HIKESHI: variants seen among roughly 807,000 people sequenced by gnomAD.
HIKESHI encodes protein Hikeshi.
A neutral mutation model predicts 25.7 loss-of-function variants in HIKESHI; 13 were observed. That is an observed-to-expected ratio of 0.51 (90% CI 0.33 to 0.80). The LOEUF (loss-of-function observed/expected upper bound fraction) is 0.80, where lower values mean the gene tolerates loss of function less well. Ranked by LOEUF, HIKESHI falls within the 30% of genes least tolerant of loss-of-function variation. HIKESHI has a pLI of 0.02. For missense variants in HIKESHI, 174 were observed against 229.5 expected (o/e 0.76, Z 1.56); for synonymous variants, 76 against 78.7 (o/e 0.97, Z 0.18).
chr11:86,302,418 T>G lies in HIKESHI; in HGVS notation c.-31T>G. 1 of 1,551,660 alleles carries G rather than the reference T, an allele frequency of 6.4e-7. No homozygotes were observed. Among genetic ancestry groups the G allele is most frequent in the Non-Finnish European group, 8.7e-7 (1 of 1,147,102 alleles). Reference sequence around the variant, plus strand: ...AGGACTCCTAGTCGCCGGCTTCAGGTCACTGCCGGCTGAACGGAGCTGCCG... The same window carrying G: ...AGGACTCCTAGTCGCCGGCTTCAGGGCACTGCCGGCTGAACGGAGCTGCCG... On this transcript the variant is annotated 5_prime_UTR_variant, in exon 1 of 5. Transcript: ENST00000278483.
In HIKESHI at chr11:86,308,051, CATATAAT is replaced by C. The variant is rs1293542634; in HGVS notation, c.268+1579_268+1585del. Among the ~76,000 whole-genome samples the C allele has an allele frequency of 8.8e-3, 1,071 of 121,518 alleles. 7 individuals are homozygous for C. The highest frequency in any genetic ancestry group is 0.014 in the South Asian group (60 of 4,138). 79.7% of individuals were successfully genotyped at this position (121,518 alleles called of 152,430 possible). On this transcript the variant is annotated intron_variant, in intron 2 of 4. Coordinates refer to ENST00000278483, the MANE Select transcript of HIKESHI (RefSeq NM_016401.4). ...TAAATATATAATTATATATAAATTA[CATATAAT>C]ATATAATATGTATATTACGTAAAAT...
intron 2 of HIKESHI, among the ~76,000 whole-genome samples, chr11:86,332,512 A>G (rs1486780064): frequency 6.6e-6 from 1 of 152,210 alleles, no homozygotes; most frequent in Non-Finnish European, 1.5e-5. Flanking sequence ...TGCAATTACC[A>G]TATGGACCAC....
chr11:86,317,577 G>C (rs375345796), intron 2 of HIKESHI, among the ~76,000 whole-genome samples: 1 of 152,202 alleles, frequency 6.6e-6, no homozygotes, highest in Non-Finnish European at 1.5e-5. Flanking sequence ...GGCCGAGGCA[G>C]GTGGATCACC....
chr11:86,321,464 A>G (rs1421053692), intron 2 of HIKESHI, among the ~76,000 whole-genome samples: 1 of 152,164 alleles, frequency 6.6e-6, no homozygotes, highest in African/African-American at 2.4e-5. Context: ...TGGCTGCATC[A>G]TACAGTAATT....
intron 2 of HIKESHI, among the ~76,000 whole-genome samples, chr11:86,334,733 C>G (rs537746215): frequency 2.0e-5 from 3 of 152,236 alleles, no homozygotes; most frequent in Admixed American, 6.5e-5. Context: ...ACTGTAGTCT[C>G]GATCTCCTAG....
chr11:86,338,807 A>G (rs1947641115), intron 3 of HIKESHI, among the ~76,000 whole-genome samples: 1 of 152,230 alleles, frequency 6.6e-6, no homozygotes, highest in African/African-American at 2.4e-5. Context: ...TAATCGTAGT[A>G]TCCTGTGTAG....
At chr11:86,310,454 A>T (rs1288943143) in intron 2 of HIKESHI, among the ~76,000 whole-genome samples, 7 of 152,208 alleles carry the variant, frequency 4.6e-5, no homozygotes, top group African/African-American at 1.7e-4. Context: ...TATCAGCTTA[A>T]GGAGATTTTG....
chr11:86,336,288 A>AG (rs1947558114), intron 2 of HIKESHI, among the ~76,000 whole-genome samples: 1 of 152,290 alleles, frequency 6.6e-6, no homozygotes, highest in Admixed American at 6.5e-5. Context: ...GAAAGGCGGG[A>AG]GGGCTGGAAA....
chr11:86,334,462 A>AT (rs1947496550), intron 2 of HIKESHI, among the ~76,000 whole-genome samples: 1 of 152,130 alleles, frequency 6.6e-6, no homozygotes, highest in East Asian at 1.9e-4. Context: ...TTTACTGTTA[A>AT]CAGTGTTTTA....
intron 2 of HIKESHI, among the ~76,000 whole-genome samples, chr11:86,316,844 A>G (rs1946997768): frequency 8.3e-6 from 1 of 120,656 alleles, no homozygotes; most frequent in African/African-American, 3.3e-5. Flanking sequence ...CCCAGGCTGG[A>G]GTGCAGTGGC....
At chr11:86,323,063 A>G (rs558832259) in intron 2 of HIKESHI, among the ~76,000 whole-genome samples, 1 of 152,120 alleles carries the variant, frequency 6.6e-6, no homozygotes, top group African/African-American at 2.4e-5. Flanking sequence ...ACCCATCTCT[A>G]CAAAAAATTC....
At chr11:86,345,075 A>G in intron 4 of HIKESHI, 1 of 1,075,878 alleles carries the variant, frequency 9.3e-7, no homozygotes, top group Non-Finnish European at 1.1e-6. Context: ...CTATTTTCCA[A>G]CTTTCCCGTG....
intron 2 of HIKESHI, among the ~76,000 whole-genome samples, chr11:86,335,326 T>A (rs1947526167): frequency 6.6e-6 from 1 of 152,226 alleles, no homozygotes; most frequent in Admixed American, 6.5e-5. Flanking sequence ...TAGCTACTGT[T>A]GCCCGAGGCA....
At chr11:86,343,063 CAT>C (rs1225722118) in intron 3 of HIKESHI, among the ~76,000 whole-genome samples, 2 of 152,120 alleles carry the variant, frequency 1.3e-5, no homozygotes, top group African/African-American at 4.8e-5. Flanking sequence ...CCATATGTGA[CAT>C]GTTATGTCTT....
rs146391694 is a variant in HIKESHI at position 86,322,010 on chromosome 11, C to A, written c.269-15369C>A. Among the ~76,000 whole-genome samples the A allele has an allele frequency of 2.1e-4, 32 of 152,074 alleles. 1 individual carries two copies. The East Asian group carries it at 6.2e-3, about 29-fold the overall frequency. On this transcript the variant is annotated intron_variant, in intron 2 of 4. Transcript: ENST00000278483. The stretch of plus-strand genomic sequence containing the variant: ...CAGTTTTCTTTTTTTCTTTTTGAGA[C>A]CAAGTCTCACTCTGTCACCCAGGCT...
At chr11:86,341,488 C>CTTTTTTTTTTTTTTTTTTTT (rs112151717) in intron 3 of HIKESHI, among the ~76,000 whole-genome samples, 1 of 142,810 alleles carries the variant, frequency 7.0e-6, no homozygotes, top group African/African-American at 2.6e-5. Context: ...TGGAATTCTC[C>CTTTTTTTTTTTTTTTTTTTT]TTTTTTTTTT....
intron 2 of HIKESHI, among the ~76,000 whole-genome samples, chr11:86,336,035 G>A (rs1396479012): frequency 6.6e-6 from 1 of 152,092 alleles, no homozygotes; most frequent in Non-Finnish European, 1.5e-5. Flanking sequence ...ATCAAATAGA[G>A]AATATCAATA....
chr11:86,315,409 C>T (rs1158920701), intron 2 of HIKESHI, among the ~76,000 whole-genome samples: 1 of 152,148 alleles, frequency 6.6e-6, no homozygotes, highest in Non-Finnish European at 1.5e-5. Context: ...CAACCTCCGC[C>T]TCCTGGGTTC....
chr11:86,319,508 C>T (rs1947097631), intron 2 of HIKESHI, among the ~76,000 whole-genome samples: 2 of 151,904 alleles, frequency 1.3e-5, no homozygotes, highest in Non-Finnish European at 2.9e-5. Flanking sequence ...CCACCTGCCT[C>T]AACCTCCCAA....
Sources: allele counts gnomAD v4.1 joint callset (sites outside exome capture counted in the v4.1 genomes callset), GRCh38; gene constraint gnomAD v4.1.1; transcripts MANE v1.5; gene names NCBI Gene and HGNC (gene_info 2026-07-23, HGNC 2026-07-21).